Variants in CACNB4 observed in about 807,000 individuals in gnomAD.
The protein encoded by CACNB4 is voltage-dependent L-type calcium channel subunit beta-4.
A neutral mutation model predicts 71.2 loss-of-function variants in CACNB4; 32 were observed. The observed-to-expected ratio is 0.45, with a 90% CI of 0.34 to 0.60. The LOEUF (loss-of-function observed/expected upper bound fraction) is 0.60, where lower values mean the gene tolerates loss of function less well. Ranked by LOEUF, CACNB4 falls within the 20% of genes least tolerant of loss-of-function variation. The pLI is 0.01. For missense variants in CACNB4, 464 were observed against 647.9 expected (o/e 0.72, Z 3.08); for synonymous variants, 231 against 236.9 (o/e 0.97, Z 0.23).
At chr2:152,007,980 C>G (rs1682826994) in intron 2 of CACNB4, among the ~76,000 whole-genome samples, 1 of 152,066 alleles carries the variant, frequency 6.6e-6, no homozygotes, top group African/African-American at 2.4e-5. Flanking sequence ...CCATGTTGGC[C>G]AGGCTGGTCT....
intron 2 of CACNB4, among the ~76,000 whole-genome samples, chr2:152,026,133 T>A (rs972815008): frequency 3.3e-5 from 5 of 152,120 alleles, no homozygotes; most frequent in Admixed American, 3.3e-4. Flanking sequence ...TCTCCCCTCT[T>A]ACCTGCAGTG....
intron 2 of CACNB4, among the ~76,000 whole-genome samples, chr2:152,064,457 T>G (rs992221203): frequency 1.3e-5 from 2 of 152,246 alleles, no homozygotes; most frequent in African/African-American, 4.8e-5. Context: ...CTCAGCTCAC[T>G]GCAACCTCTG....
chr2:151,997,905 C>T (rs958339542), intron 2 of CACNB4, among the ~76,000 whole-genome samples: 5 of 152,310 alleles, frequency 3.3e-5, no homozygotes, highest in Admixed American at 1.3e-4. Flanking sequence ...TTTTCACTTT[C>T]GTGGGAGCCA....
intron 2 of CACNB4, among the ~76,000 whole-genome samples, chr2:152,028,836 C>T (rs2105172593): frequency 6.6e-6 from 1 of 152,318 alleles, no homozygotes; most frequent in South Asian, 2.1e-4. Context: ...TATACAAATG[C>T]TCCAGCTATT....
At chr2:152,092,797 G>A (rs1341934264) in intron 2 of CACNB4, among the ~76,000 whole-genome samples, 1 of 151,634 alleles carries the variant, frequency 6.6e-6, no homozygotes, top group Non-Finnish European at 1.5e-5. Context: ...TGGAACTACA[G>A]ATAGTAACAA....
Position 151,839,258 on chromosome 2 carries a change from G to C in CACNB4, c.1424C>G (p.Ser475Cys). 6.2e-7 allele frequency: 1 copy of C among 1,613,540 alleles called. No homozygotes were observed. Among genetic ancestry groups the C allele is most frequent in the Non-Finnish European group, 8.5e-7 (1 of 1,179,696 alleles). ...ATCTCGGCTATGCTGAGAACTGGAA[G>C]ACAAGCGGTTCCTACTCTTCCGAGC... Reference protein sequence around the residue: ...ERARKSRNRLSSSSQHSRDHY... With the variant: ...ERARKSRNRLCSSSQHSRDHY... The change falls in exon 14 of 14, where the codon TCT becomes TGT. Residue 475 changes from serine to cysteine, a missense_variant. Physicochemically the swap from Ser to Cys is moderately radical, Grantham distance 112. Transcript: ENST00000539935.
At chr2:151,893,282 C>T (rs1249500771) in intron 2 of CACNB4, among the ~76,000 whole-genome samples, 1 of 152,044 alleles carries the variant, frequency 6.6e-6, no homozygotes, top group Non-Finnish European at 1.5e-5. Context: ...TGTTCTGTTG[C>T]CCAGGCTGGA....
At chr2:151,919,524 A>G (rs1475782098) in intron 2 of CACNB4, among the ~76,000 whole-genome samples, 1 of 152,218 alleles carries the variant, frequency 6.6e-6, no homozygotes, top group African/African-American at 2.4e-5. Context: ...TCTAAGATGC[A>G]AAATGTAACA....
At chr2:151,879,481 T>C (rs1039507206) in intron 4 of CACNB4, 3 of 151,896 alleles carry the variant, frequency 2.0e-5, no homozygotes, top group Non-Finnish European at 4.4e-5. Flanking sequence ...CTACTTAACA[T>C]GGTGCATAAT....
At chr2:151,913,354 A>G (rs779540903) in intron 2 of CACNB4, among the ~76,000 whole-genome samples, 1 of 152,222 alleles carries the variant, frequency 6.6e-6, no homozygotes. Flanking sequence ...CTTACAGGGC[A>G]GGACTGGGGG....
chr2:151,850,622 T>C (rs2099838830), intron 12 of CACNB4: 1 of 152,194 alleles, frequency 6.6e-6, no homozygotes, highest in Non-Finnish European at 1.5e-5. Context: ...GGACTAAGTC[T>C]TTCCCTAGAC....
intron 2 of CACNB4, among the ~76,000 whole-genome samples, chr2:152,035,603 TTC>T (rs1208555347): frequency 4.3e-5 from 3 of 69,742 alleles, no homozygotes; most frequent in African/African-American, 1.1e-4. Context: ...CTCTCTCTCT[TTC>T]TCTCTCTCTC....
At chr2:152,092,820 T>G (rs1688049861) in intron 2 of CACNB4, among the ~76,000 whole-genome samples, 1 of 151,562 alleles carries the variant, frequency 6.6e-6, no homozygotes, top group Admixed American at 6.6e-5. Context: ...CATATATACA[T>G]TTACATATAT....
intron 2 of CACNB4, among the ~76,000 whole-genome samples, chr2:151,892,362 T>C (rs982396403): frequency 4.0e-5 from 6 of 150,810 alleles, no homozygotes; most frequent in Non-Finnish European, 8.8e-5. Context: ...CAATCACTTG[T>C]GTCTTAAAAA....
chr2:152,019,595 C>T (rs937608212), intron 2 of CACNB4, among the ~76,000 whole-genome samples: 1 of 151,874 alleles, frequency 6.6e-6, no homozygotes, highest in Non-Finnish European at 1.5e-5. Context: ...ACTGGAAAGA[C>T]TAACGGAAAA....
At chr2:151,853,774 GC>G in intron 11 of CACNB4, 1 of 369,198 alleles carries the variant, frequency 2.7e-6, no homozygotes. Flanking sequence ...CTCAGGAGGA[GC>G]CTGAGTTCCC....
At chr2:152,006,234 C>G (rs997268731) in intron 2 of CACNB4, among the ~76,000 whole-genome samples, 1 of 152,078 alleles carries the variant, frequency 6.6e-6, no homozygotes, top group African/African-American at 2.4e-5. Flanking sequence ...TGTTTGAGAT[C>G]TGAATGTCTC....
chr2:151,876,393 A>C (rs1210384824), intron 5 of CACNB4, 33 bp downstream of exon 5: 1 of 1,526,014 alleles, frequency 6.6e-7, no homozygotes, highest in African/African-American at 1.4e-5. Flanking sequence ...TTTTCTGACC[A>C]AAAAAAAGTG....
intron 2 of CACNB4, among the ~76,000 whole-genome samples, chr2:151,962,203 A>C (rs1399779787): frequency 1.3e-5 from 2 of 152,214 alleles, no homozygotes; most frequent in African/African-American, 4.8e-5. Flanking sequence ...GGAAAGCTGC[A>C]TCCTTCTCAA....
Sources: allele counts gnomAD v4.1 joint callset (sites outside exome capture counted in the v4.1 genomes callset), GRCh38; gene constraint gnomAD v4.1.1; transcripts MANE v1.5; gene names NCBI Gene and HGNC (gene_info 2026-07-23, HGNC 2026-07-21).